DLG1: variants seen among roughly 807,000 people sequenced by gnomAD.
DLG1 encodes the protein disks large homolog 1.
DLG1 carries 42 observed loss-of-function variants against 123.4 expected under a neutral mutation model. The ratio of observed to expected loss-of-function variants is 0.34; its 90% CI spans 0.27 to 0.44. The LOEUF is 0.44. DLG1 is among the 20% of genes least tolerant of loss of function. The pLI is 1.00. For synonymous variants in DLG1, 317 were observed against 356.2 expected (o/e 0.89, Z 1.24); for missense variants, 942 against 1,082.6 (o/e 0.87, Z 1.82).
chr3:197,126,575 A>T (rs1779249548), intron 11 of DLG1, among the ~76,000 whole-genome samples: 1 of 152,196 alleles, frequency 6.6e-6, no homozygotes, highest in Non-Finnish European at 1.5e-5. Context: ...AAAATAAGAT[A>T]CTTGAATTGA....
At chr3:197,235,323 A>G (rs1386860841) in intron 4 of DLG1, among the ~76,000 whole-genome samples, 1 of 152,244 alleles carries the variant, frequency 6.6e-6, no homozygotes, top group African/African-American at 2.4e-5. Context: ...CTAAGCAGAA[A>G]AAGAGCTCCA....
chr3:197,092,358 G>C (rs1253903345), intron 14 of DLG1, among the ~76,000 whole-genome samples: 1 of 152,124 alleles, frequency 6.6e-6, no homozygotes, highest in Admixed American at 6.5e-5. Context: ...CCGGCATAAT[G>C]ACTTACTTGT....
chr3:197,247,803 C>G (rs1371603818), intron 4 of DLG1, among the ~76,000 whole-genome samples: 1 of 151,826 alleles, frequency 6.6e-6, no homozygotes, highest in Non-Finnish European at 1.5e-5. Context: ...TGGGATAGTC[C>G]CCATCCTGGA....
chr3:197,215,836 G>A (rs1733862153), intron 4 of DLG1, among the ~76,000 whole-genome samples: 2 of 152,102 alleles, frequency 1.3e-5, no homozygotes, highest in South Asian at 4.1e-4. Flanking sequence ...TCTGAGGAGA[G>A]CAAACAGGGG....
chr3:197,131,611 T>A (rs1782592660), intron 10 of DLG1, among the ~76,000 whole-genome samples: 4 of 110,938 alleles, frequency 3.6e-5, no homozygotes, highest in Non-Finnish European at 7.3e-5. Flanking sequence ...TTTTTTTTTT[T>A]GAGACGGAGT....
At position 197,240,154 on chromosome 3, in the gene DLG1, C is replaced by T. The variant is rs564407732; in HGVS notation, c.318+42525G>A. Among the ~76,000 whole-genome samples, 6 of 152,310 alleles carry T rather than the reference C, an allele frequency of 3.9e-5. No individual in the cohort carries two copies. The South Asian group carries it at 1.2e-3, about 32-fold the overall frequency. Reference sequence around the variant, plus strand: ...ACCATCTCCAGCTCTGGAAATTCTACTGTAACTCAGCCAAGCAAGACACTG... The same window carrying T: ...ACCATCTCCAGCTCTGGAAATTCTATTGTAACTCAGCCAAGCAAGACACTG... On this transcript the variant is annotated intron_variant, in intron 4 of 24. Transcript: ENST00000667157.
rs189730059 is a variant in DLG1, at chr3:197,255,309, C to A, written c.318+27370G>T. 5.9e-5 allele frequency among the ~76,000 whole-genome samples: 9 copies of A among 152,124 alleles called. No homozygotes were observed. In the East Asian group the frequency reaches 1.7e-3, roughly 29 times the overall value. ...ATAAGAGGTGGCATTGGAAATAAAACCTGTTTGATTTAGTCAAAACGTAGG... is the reference window on the plus strand; with the variant it reads ...ATAAGAGGTGGCATTGGAAATAAAAACTGTTTGATTTAGTCAAAACGTAGG... On this transcript the variant is annotated intron_variant, in intron 4 of 24. Coordinates refer to ENST00000667157, the MANE Select transcript of DLG1 (RefSeq NM_001366207.1).
intron 4 of DLG1, among the ~76,000 whole-genome samples, chr3:197,230,380 C>T (rs1742311992): frequency 1.3e-5 from 2 of 152,074 alleles, no homozygotes; most frequent in Admixed American, 1.3e-4. Context: ...GGTTAAAATA[C>T]AAGAGCAACA....
Position 197,085,725 on chromosome 3 carries a change from T to A in DLG1, c.1693A>T (p.Ser565Cys). ...ALFDYDKTKDSGLPSQGLNFK... is the reference protein window; with the variant it reads ...ALFDYDKTKDCGLPSQGLNFK... ...TTCAGTCCCTGACTGGGAAGCCCAC[T>A]GTCTTTAGTCTTGTCATAATCAAAA... The change falls in exon 16 of 25, where the codon AGT (serine) becomes TGT (cysteine). Residue 565 changes from serine (S) to cysteine (C), a missense_variant. Coordinates refer to ENST00000667157, the MANE Select transcript of DLG1 (RefSeq NM_001366207.1). 6.2e-7 allele frequency: 1 copy of A among 1,613,836 alleles called. No individual in the cohort carries two copies. Among genetic ancestry groups the A allele is most frequent in the East Asian group, 2.2e-5 (1 of 44,866 alleles).
chr3:197,135,006 T>C (rs1416621504), intron 10 of DLG1, among the ~76,000 whole-genome samples: 1 of 152,212 alleles, frequency 6.6e-6, no homozygotes, highest in Non-Finnish European at 1.5e-5. Flanking sequence ...TTTTACAGTG[T>C]CTGCCTAGAA....
At chr3:197,076,774 C>T (rs1408988141) in intron 17 of DLG1, 89 bp from the exon 18 acceptor site, 1 of 816,220 alleles carries the variant, frequency 1.2e-6, no homozygotes, top group African/African-American at 1.7e-5. Context: ...GAAGCTGACT[C>T]CTATGACCAC....
intron 4 of DLG1, among the ~76,000 whole-genome samples, chr3:197,201,187 T>C (rs553724240): frequency 6.6e-6 from 1 of 152,162 alleles, no homozygotes; most frequent in South Asian, 2.1e-4. Flanking sequence ...ATCGAGACCA[T>C]CCAGGCTAAC....
intron 5 of DLG1, among the ~76,000 whole-genome samples, chr3:197,159,579 T>C (rs551629968): frequency 6.6e-6 from 1 of 152,222 alleles, no homozygotes; most frequent in Non-Finnish European, 1.5e-5. Flanking sequence ...AGAATACATA[T>C]TCACTTAATA....
At chr3:197,118,914 G>C (rs1181836365) in intron 12 of DLG1, among the ~76,000 whole-genome samples, 1 of 152,102 alleles carries the variant, frequency 6.6e-6, no homozygotes, top group Non-Finnish European at 1.5e-5. Flanking sequence ...AGATACGGGA[G>C]GATAGCTTGA....
intron 13 of DLG1, 49 bp downstream of exon 13, chr3:197,115,878 T>C (rs1248258552): frequency 5.7e-6 from 9 of 1,573,056 alleles, no homozygotes; most frequent in Non-Finnish European, 7.8e-6. Flanking sequence ...GCTTTAAAAA[T>C]AGGTCCAGTG....
intron 5 of DLG1, among the ~76,000 whole-genome samples, chr3:197,155,428 T>C (rs372966189): frequency 1.3e-5 from 2 of 152,132 alleles, no homozygotes; most frequent in Non-Finnish European, 2.9e-5. Context: ...CCCTGAAAGA[T>C]GTGCTAAAGG....
At chr3:197,124,039 A>T (rs1777746742) in intron 11 of DLG1, among the ~76,000 whole-genome samples, 1 of 152,106 alleles carries the variant, frequency 6.6e-6, no homozygotes, top group African/African-American at 2.4e-5. Flanking sequence ...GGATCACTTG[A>T]GGTTAGGAGC....
At chr3:197,092,968 A>T (rs990006900) in intron 14 of DLG1, among the ~76,000 whole-genome samples, 4 of 152,198 alleles carry the variant, frequency 2.6e-5, no homozygotes, top group Non-Finnish European at 5.9e-5. Context: ...CAAATCTATA[A>T]AACACAGGTA....
At chr3:197,207,407 A>C (rs1729133835) in intron 4 of DLG1, among the ~76,000 whole-genome samples, 1 of 152,220 alleles carries the variant, frequency 6.6e-6, no homozygotes, top group Admixed American at 6.5e-5. Flanking sequence ...GGCAGAAAGA[A>C]TCAAGTCAAA....
Sources: gnomAD v4.1 joint callset for allele counts (sites outside exome capture counted in the v4.1 genomes callset) on GRCh38, gnomAD v4.1.1 for gene constraint, MANE v1.5 for transcripts, NCBI Gene and HGNC (gene_info 2026-07-23, HGNC 2026-07-21) for gene names.